TK2: variants seen among roughly 807,000 people sequenced by gnomAD.
TK2 encodes the protein thymidine kinase 2, mitochondrial.
TK2 carries 35 observed loss-of-function variants against 41.9 expected under a neutral mutation model. That is an observed-to-expected ratio of 0.84 (90% CI 0.64 to 1.11). The LOEUF (loss-of-function observed/expected upper bound fraction) is 1.11, where lower values mean the gene tolerates loss of function less well. TK2 is among the 50% of genes least tolerant of loss of function. The pLI is 0.00. For missense variants in TK2, 320 were observed against 351.1 expected, an observed-to-expected ratio of 0.91 and a Z score of 0.71; for synonymous variants, 128 against 129.1, an observed-to-expected ratio of 0.99 and a Z score of 0.06.
At chr16:66,537,305 C>T (rs1224088806) in intron 3 of TK2, among the ~76,000 whole-genome samples, 1 of 152,184 alleles carries the variant, frequency 6.6e-6, no homozygotes, top group Non-Finnish European at 1.5e-5. Context: ...CCCTGGTAGC[C>T]TCCCCAAGGT....
chr16:66,528,984 A>G lies in TK2; in HGVS notation c.449+10T>C. 2 of 1,613,368 alleles carry G rather than the reference A, an allele frequency of 1.2e-6. No individual in the cohort carries two copies. Among genetic ancestry groups the G allele is most frequent in the South Asian group, 1.1e-5 (1 of 91,076 alleles). Reference sequence around the variant, plus strand: ...GTTTAATAAATTATCAACTATTCAAACTACAGTACCTTCTATACAGGTTTT... The same window carrying G: ...GTTTAATAAATTATCAACTATTCAAGCTACAGTACCTTCTATACAGGTTTT... On this transcript the variant is annotated intron_variant, in intron 6 of 9. Transcript: ENST00000544898.
rs558920881 is a variant in TK2, at chr16:66,536,159, G to A, written c.285+805C>T. On this transcript the variant is annotated intron_variant, in intron 4 of 9. Coordinates refer to ENST00000544898, the MANE Select transcript of TK2 (RefSeq NM_004614.5). ...ACAGAGGTTGCAGTGAGCCGAGATC[G>A]CGCCACTGCACTCCAGCCTAGGGAC... 6.7e-5 allele frequency among the ~76,000 whole-genome samples: 10 copies of A among 148,494 alleles called. No homozygotes were observed. The East Asian group carries it at 8.0e-4, about 12-fold the overall frequency.
chr16:66,512,160 G>C (rs1964470827), intron 9 of TK2, 94 bp from the exon 10 acceptor site: 1 of 1,176,574 alleles, frequency 8.5e-7, no homozygotes, highest in Non-Finnish European at 1.3e-6. Context: ...CAGGCAGCAG[G>C]GGGCAGGGAA....
intron 2 of TK2, chr16:66,547,865 T>C (rs1965656329): frequency 8.2e-7 from 1 of 1,226,730 alleles, no homozygotes; most frequent in African/African-American, 1.6e-5. Context: ...CTAGCTATTG[T>C]GTGTCTGGGG....
At chr16:66,546,787 T>C (rs1348314564) in intron 2 of TK2, 1 of 152,014 alleles carries the variant, frequency 6.6e-6, no homozygotes, top group African/African-American at 2.4e-5. Context: ...GGTCTCGTTC[T>C]GTTGCCCACG....
intron 5 of TK2, among the ~76,000 whole-genome samples, chr16:66,529,387 G>A (rs745684577): frequency 3.3e-5 from 5 of 152,190 alleles, no homozygotes; most frequent in African/African-American, 4.8e-5. Flanking sequence ...ACTAGAACAC[G>A]GTCAAGCCCT....
chr16:66,529,152 G>A, intron 5 of TK2, 85 bp from the exon 6 acceptor site: 1 of 1,279,010 alleles, frequency 7.8e-7, no homozygotes, highest in Non-Finnish European at 1.1e-6. Context: ...TACTCCCCCT[G>A]CCTGGGGACT....
At chr16:66,549,295 T>C in intron 1 of TK2, 1 of 1,226,568 alleles carries the variant, frequency 8.2e-7, no homozygotes, top group Non-Finnish European at 1.0e-6. Flanking sequence ...CTTCACAGAC[T>C]GGATGTTAAG....
At chr16:66,545,630 C>T (rs1965584117) in intron 2 of TK2, among the ~76,000 whole-genome samples, 1 of 152,122 alleles carries the variant, frequency 6.6e-6, no homozygotes, top group Non-Finnish European at 1.5e-5. Context: ...TCGAGACCAG[C>T]CTGGCTAACG....
Position 66,514,389 on chromosome 16 carries a change from G to A in TK2, c.619-578C>T, listed in dbSNP as rs1325642907. The stretch of plus-strand genomic sequence containing the variant: ...GCCAGCCTCGGCCTCCCGAGGTGCC[G>A]GGATTGCAGACGGAGTCTGGTTCAC... On this transcript the variant is annotated intron_variant, in intron 8 of 9. Coordinates refer to ENST00000544898, the MANE Select transcript of TK2 (RefSeq NM_004614.5). The surrounding 1 kb of genome is among the most constrained non-coding windows in gnomAD (Gnocchi z 4.2). Among the ~76,000 whole-genome samples the A allele has an allele frequency of 1.3e-5, 2 of 152,234 alleles. No homozygotes were observed. Among genetic ancestry groups the A allele is most frequent in the African/African-American group, 2.4e-5 (1 of 41,464 alleles).
At chr16:66,537,051 C>A in intron 3 of TK2, 34 bp from the exon 4 acceptor site, 1 of 1,613,022 alleles carries the variant, frequency 6.2e-7, no homozygotes, top group Non-Finnish European at 8.5e-7. Flanking sequence ...GCTACTGTTT[C>A]TCTGTGCTGA....
In TK2 at chr16:66,549,390, G is replaced by T. The variant is rs1455930799; in HGVS notation, c.125-381C>A. 9.8e-6 allele frequency: 11 copies of T among 1,120,854 alleles called. 1 individual carries two copies. The highest frequency in any genetic ancestry group is 1.1e-5 in the Non-Finnish European group (10 of 912,720). 69.4% of individuals were successfully genotyped at this position (1,120,854 alleles called of 1,614,324 possible). On this transcript the variant is annotated intron_variant, in intron 1 of 9. Coordinates refer to ENST00000544898, the MANE Select transcript of TK2 (RefSeq NM_004614.5). ...GTGGTTTTGGGCCTGGGACCCAGGT[G>T]TTCCTCTAGGCCCAGGGCGGGCATC...
At chr16:66,528,626 C>T (rs1490280626) in intron 6 of TK2, among the ~76,000 whole-genome samples, 3 of 152,272 alleles carry the variant, frequency 2.0e-5, no homozygotes, top group East Asian at 1.9e-4. Flanking sequence ...CCTTTGTCAC[C>T]GTGAGAAGTG....
At chr16:66,522,175 G>A (rs1021292883) in intron 6 of TK2, among the ~76,000 whole-genome samples, 3 of 152,072 alleles carry the variant, frequency 2.0e-5, no homozygotes, top group Non-Finnish European at 2.9e-5. Context: ...CAGCTGACTC[G>A]GATCAAGTCC....
chr16:66,531,602 T>G, intron 4 of TK2, 133 bp from the exon 5 acceptor site: 1 of 794,410 alleles, frequency 1.3e-6, no homozygotes, highest in Non-Finnish European at 2.2e-6. Context: ...CCCAGCATGA[T>G]CACAGGGCTC....
In TK2 at chr16:66,541,873, C is replaced by T; in HGVS notation, c.231+6G>A. 1.2e-6 allele frequency: 2 copies of T among 1,614,108 alleles called. No homozygotes were observed. The highest frequency in any genetic ancestry group is 1.7e-6 in the Non-Finnish European group (2 of 1,179,958). ...GCTTCCTTCAAACCTAGCATAGAGG[C>T]TGTACCTCGACGTCTGTCGCGTTGG... On this transcript the variant is annotated splice_donor_region_variant and intron_variant, in intron 3 of 9. Coordinates refer to ENST00000544898, the MANE Select transcript of TK2 (RefSeq NM_004614.5).
intron 6 of TK2, among the ~76,000 whole-genome samples, chr16:66,519,474 C>T (rs1034584689): frequency 1.8e-4 from 27 of 152,118 alleles, no homozygotes; most frequent in Admixed American, 5.9e-4. Flanking sequence ...CCACTGCGCC[C>T]GGCCTACTAC....
In TK2 at chr16:66,508,532, C is replaced by T. The variant is rs1964357344; in HGVS notation, c.*3436G>A. ...GAGGGCCAAGGAGATGGGTGTTCCT[C>T]ATTCCACACACATGTGAACACTTGA... is the stretch of plus-strand genomic sequence containing the variant. On this transcript the variant is annotated 3_prime_UTR_variant, in exon 10 of 10. Coordinates refer to ENST00000544898, the MANE Select transcript of TK2 (RefSeq NM_004614.5). The T allele has an allele frequency of 6.6e-6, 1 of 152,286 alleles. No individual in the cohort carries two copies. The highest frequency in any genetic ancestry group is 2.4e-5 in the African/African-American group (1 of 41,458). The allele number at this position is 152,286 out of a possible 1,614,324, so 9.4% of individuals were successfully genotyped here. A position where few individuals can be genotyped will look rare whatever the true frequency, so the allele number is the denominator to read the frequency against.
intron 9 of TK2, among the ~76,000 whole-genome samples, chr16:66,513,047 G>C (rs16956605): frequency 0.06 from 9,134 of 152,142 alleles, 383 homozygotes; most frequent in South Asian, 0.18. Flanking sequence ...GACTCGGAGG[G>C]ACCCCAGACT....
Sources: gnomAD v4.1 joint callset for allele counts (sites outside exome capture counted in the v4.1 genomes callset) on GRCh38, gnomAD v4.1.1 for gene constraint, Gnocchi (gnomAD v3.1) non-coding constraint, MANE v1.5 for transcripts, NCBI Gene and HGNC (gene_info 2026-07-23, HGNC 2026-07-21) for gene names.